GASK1B: variants seen among roughly 807,000 people sequenced by gnomAD.
The protein encoded by GASK1B is Golgi-associated kinase 1B.
Under a neutral mutation model 42.8 loss-of-function variants are expected in GASK1B, and 34 were observed. The ratio of observed to expected loss-of-function variants is 0.79; its 90% confidence interval spans 0.60 to 1.06. The LOEUF is 1.06. Ranked by LOEUF, GASK1B falls within the 50% of genes least tolerant of loss-of-function variation. GASK1B has a pLI of 0.00. For synonymous variants in GASK1B, 262 were observed against 259.1 expected (o/e 1.01, Z -0.11); for missense variants, 686 against 661.0 (o/e 1.04, Z -0.42).
At chr4:158,142,890 A>G (rs1731189895) in intron 3 of GASK1B, among the ~76,000 whole-genome samples, 1 of 152,232 alleles carries the variant, frequency 6.6e-6, no homozygotes, top group Admixed American at 6.5e-5. Context: ...TTCTTCAACA[A>G]GCTGTTGAAA....
intron 2 of GASK1B, among the ~76,000 whole-genome samples, chr4:158,163,867 A>G (rs1470310504): frequency 6.6e-6 from 1 of 152,218 alleles, no homozygotes; most frequent in African/African-American, 2.4e-5. Context: ...TTTCCCTAGT[A>G]TCCGGGGCAG....
At chr4:158,135,859 C>T (rs147427781) in intron 3 of GASK1B, among the ~76,000 whole-genome samples, 3 of 152,110 alleles carry the variant, frequency 2.0e-5, no homozygotes, top group African/African-American at 7.2e-5. Flanking sequence ...GCAGTGTTAG[C>T]TAAAAACCAG....
At chr4:158,165,825 C>A (rs1458044187) in intron 2 of GASK1B, among the ~76,000 whole-genome samples, 1 of 152,114 alleles carries the variant, frequency 6.6e-6, no homozygotes, top group Non-Finnish European at 1.5e-5. Flanking sequence ...ATTTTATAAG[C>A]TCACTGAGCC....
intron 3 of GASK1B, among the ~76,000 whole-genome samples, chr4:158,143,486 C>G (rs1731212313): frequency 6.6e-6 from 1 of 151,984 alleles, no homozygotes; most frequent in African/African-American, 2.4e-5. Context: ...GACCAAAGAC[C>G]AGGAGATTAG....
Position 158,136,535 on chromosome 4 carries a change from A to C in GASK1B, c.1126-5523T>G, listed in dbSNP as rs145769025. 8.5e-5 allele frequency among the ~76,000 whole-genome samples: 13 copies of C among 152,318 alleles called. No individual in the cohort carries two copies. In the East Asian group the frequency reaches 1.9e-3, roughly 23 times the overall value. On this transcript the variant is annotated intron_variant, in intron 3 of 4. Transcript: ENST00000585682. ...AGGCAGAATGTGCTTGACAGCTAAA[A>C]ACAGGGTAAAATGAGGATGTTCTTC...
chr4:158,124,562 G>T lies in GASK1B; in HGVS notation c.*2845C>A, dbSNP rs1328673941. ...TTGTTCTGTGCTGACATAAACATAA[G>T]AATTTCATAAGACAGTGTGTAAATA... On this transcript the variant is annotated 3_prime_UTR_variant, in exon 5 of 5. Transcript: ENST00000585682. 6.6e-6 allele frequency: 1 copy of T among 152,076 alleles called. No individual in the cohort carries two copies. Among genetic ancestry groups the T allele is most frequent in the Non-Finnish European group, 1.5e-5 (1 of 68,024 alleles). 9.4% of individuals were successfully genotyped at this position (152,076 alleles called of 1,614,324 possible).
intron 3 of GASK1B, among the ~76,000 whole-genome samples, chr4:158,141,675 C>T (rs1469383920): frequency 2.3e-5 from 3 of 133,186 alleles, no homozygotes; most frequent in Non-Finnish European, 1.5e-5. Context: ...GACGCGATCT[C>T]GGCTCACTGC....
chr4:158,141,521 A>C (rs1025568781), intron 3 of GASK1B, among the ~76,000 whole-genome samples: 2 of 151,558 alleles, frequency 1.3e-5, no homozygotes, highest in African/African-American at 2.4e-5. Flanking sequence ...ATGTGGTCTT[A>C]AAAGTCAAGT....
chr4:158,147,812 G>A (rs1466692191), intron 3 of GASK1B, among the ~76,000 whole-genome samples: 1 of 151,950 alleles, frequency 6.6e-6, no homozygotes, highest in African/African-American at 2.4e-5. Context: ...TAATTTTCTT[G>A]ATATACAAAA....
intron 3 of GASK1B, among the ~76,000 whole-genome samples, chr4:158,141,993 G>A (rs1231923223): frequency 2.8e-5 from 3 of 106,404 alleles, no homozygotes; most frequent in Non-Finnish European, 3.7e-5. Context: ...GCCGGACTGC[G>A]GACTGCAGTG....
In GASK1B at chr4:158,170,587, G is replaced by C. The variant is rs1334265846; in HGVS notation, c.789C>G (p.Ser263Arg). The change falls in exon 2 of 5, where the codon AGC becomes AGG. Residue 263 changes from serine to arginine, a missense_variant. Physicochemically the swap from Ser to Arg is moderately radical, Grantham distance 110. Transcript: ENST00000585682. ...AGGGCTGCTTGAGAAGCCCACAGGGGCTAGGGCCACAGCGGAGCACAGCGC... is the reference window on the plus strand; with the variant it reads ...AGGGCTGCTTGAGAAGCCCACAGGGCCTAGGGCCACAGCGGAGCACAGCGC... The part of the protein sequence containing the change: ...APGAVLRCGP[S>R]PCGLLKQPLD... 2.5e-6 allele frequency: 4 copies of C among 1,614,068 alleles called. No individual in the cohort carries two copies. The highest frequency in any genetic ancestry group is 3.3e-5 in the Admixed American group (2 of 60,034).
intron 3 of GASK1B, among the ~76,000 whole-genome samples, chr4:158,150,840 T>C (rs1353208466): frequency 6.6e-6 from 1 of 152,206 alleles, no homozygotes; most frequent in Non-Finnish European, 1.5e-5. Flanking sequence ...AAGTCAAATG[T>C]CTTACTCCCC....
rs72973877 is a variant in GASK1B at position 158,164,789 on chromosome 4, T to A, written c.910+5677A>T. ...CCTTACCTGAAAGCCTGAAACAATA[T>A]AAAATGCAAAGCTGACATCCCCCTG... On this transcript the variant is annotated intron_variant, in intron 2 of 4. Transcript: ENST00000585682. Among the ~76,000 whole-genome samples the A allele has an allele frequency of 2.9e-3, 435 of 152,272 alleles. 4 individuals are homozygous for A. Among genetic ancestry groups the A allele is most frequent in the African/African-American group, 0.01 (416 of 41,552 alleles).
chr4:158,159,250 T>C (rs1731874297), intron 2 of GASK1B, among the ~76,000 whole-genome samples: 1 of 152,140 alleles, frequency 6.6e-6, no homozygotes, highest in African/African-American at 2.4e-5. Context: ...GAAAGCATGG[T>C]GAGCAGTAAG....
intron 2 of GASK1B, among the ~76,000 whole-genome samples, chr4:158,160,146 C>CA (rs1731916466): frequency 6.6e-6 from 1 of 152,138 alleles, no homozygotes; most frequent in Non-Finnish European, 1.5e-5. Context: ...TTGAAGAAAA[C>CA]AAAAGCCAGT....
chr4:158,148,955 C>T (rs1731436629), intron 3 of GASK1B, among the ~76,000 whole-genome samples: 1 of 152,176 alleles, frequency 6.6e-6, no homozygotes, highest in Non-Finnish European at 1.5e-5. Flanking sequence ...AGAAATATCT[C>T]TCTTCCTCTA....
chr4:158,160,000 A>G (rs2111002849), intron 2 of GASK1B, among the ~76,000 whole-genome samples: 1 of 152,292 alleles, frequency 6.6e-6, no homozygotes, highest in South Asian at 2.1e-4. Flanking sequence ...CAAAAATAAG[A>G]AGAAAAGTCT....
chr4:158,153,540 ACAGT>A (rs1222778535), intron 3 of GASK1B, among the ~76,000 whole-genome samples: 2 of 152,228 alleles, frequency 1.3e-5, no homozygotes, highest in Non-Finnish European at 2.9e-5. Context: ...CAGAGTCCAC[ACAGT>A]CAAAGCAGGA....
intron 3 of GASK1B, among the ~76,000 whole-genome samples, chr4:158,146,593 A>G (rs532273303): frequency 3.3e-4 from 51 of 152,278 alleles, no homozygotes; most frequent in African/African-American, 1.2e-3. Flanking sequence ...GAGGACACCA[A>G]TGCAGAGAGA....
Sources: gnomAD v4.1 joint callset for allele counts (sites outside exome capture counted in the v4.1 genomes callset) on GRCh38, gnomAD v4.1.1 for gene constraint, MANE v1.5 for transcripts, NCBI Gene and HGNC (gene_info 2026-07-23, HGNC 2026-07-21) for gene names.